DAB1: variants seen among roughly 807,000 people sequenced by gnomAD.
The protein encoded by DAB1 is DAB adaptor protein 1, also known as disabled homolog 1.
Under a neutral mutation model 64.6 loss-of-function variants are expected in DAB1, and 15 were observed. That is an observed-to-expected ratio of 0.23 (90% CI 0.16 to 0.36). The LOEUF is 0.36. DAB1 is among the 10% of genes least tolerant of loss of function. The probability of loss-of-function intolerance (pLI) is 1.00; values close to 1 mark genes in which losing one functional copy is unlikely to be tolerated. For synonymous variants in DAB1, 235 were observed against 251.9 expected (o/e 0.93, Z 0.64); for missense variants, 596 against 706.7 (o/e 0.84, Z 1.78).
chr1:57,567,945 CA>C (rs1407881747), intron 7 of DAB1, among the ~76,000 whole-genome samples: 2 of 152,122 alleles, frequency 1.3e-5, no homozygotes, highest in African/African-American at 4.8e-5. Context: ...CATATGGAAC[CA>C]AAAAAGAGCC....
At position 57,916,919 on chromosome 1, in the gene DAB1, G is replaced by A. The variant is rs559939917; in HGVS notation, n.388-32757C>T. On this transcript the variant is annotated intron_variant and non_coding_transcript_variant, in intron 5 of 20. Transcript: ENST00000485760. ...GATCGCGCCACTGCACTCCAGCCTG[G>A]GTGTCAAGAGCGAAACTCTGTCTCA... Among the ~76,000 whole-genome samples, 19 of 151,926 alleles carry A rather than the reference G, an allele frequency of 1.3e-4. No individual in the cohort carries two copies. In the South Asian group the frequency reaches 4.0e-3, roughly 32 times the overall value.
intron 9 of DAB1, among the ~76,000 whole-genome samples, chr1:57,056,063 A>G (rs1649723402): frequency 1.3e-5 from 2 of 152,190 alleles, no homozygotes; most frequent in Admixed American, 6.5e-5. Flanking sequence ...AGATGAGGAC[A>G]TGGAGAGTGG....
At chr1:57,673,908 C>G (rs950789395) in intron 6 of DAB1, among the ~76,000 whole-genome samples, 1 of 152,098 alleles carries the variant, frequency 6.6e-6, no homozygotes, top group Non-Finnish European at 1.5e-5. Flanking sequence ...CCAGTCACAT[C>G]CACATGGAAA....
intron 1 of DAB1, among the ~76,000 whole-genome samples, chr1:58,535,595 CAAA>C (rs11315198): frequency 1.5e-4 from 14 of 95,528 alleles, no homozygotes; most frequent in Non-Finnish European, 1.5e-4. Context: ...GTCTCTGTCT[CAAA>C]AAAAAAAAAA....
intron 1 of DAB1, among the ~76,000 whole-genome samples, chr1:57,394,426 C>T (rs78946857): frequency 0.012 from 1,839 of 152,304 alleles, 48 homozygotes; most frequent in African/African-American, 0.042. Flanking sequence ...GAACCTCAAA[C>T]CTTGACAAAA....
chr1:58,392,275 G>A lies in DAB1; in HGVS notation n.258-48872C>T, dbSNP rs76180360. Among the ~76,000 whole-genome samples, 23 of 152,282 alleles carry A rather than the reference G, an allele frequency of 1.5e-4. No individual in the cohort carries two copies. In the East Asian group the frequency reaches 3.7e-3, roughly 24 times the overall value. ...CACCTCTGCATGTACCTCTCACCAC[G>A]TTTAACCACAGTGACCTTCAAGATG... On this transcript the variant is annotated intron_variant and non_coding_transcript_variant, in intron 3 of 20. Transcript: ENST00000485760.
chr1:57,886,078 T>C (rs555808175), upstream of DAB1, among the ~76,000 whole-genome samples: 1 of 152,344 alleles, frequency 6.6e-6, no homozygotes, highest in South Asian at 2.1e-4. Context: ...CTGCTTTCTC[T>C]TGCTGAAATA....
At position 57,413,301 on chromosome 1, in the gene DAB1, T is replaced by C. The variant is rs533733019; in HGVS notation, c.-137+10629A>G. ...TGTTTTCACATCTGCTAACAAAACA[T>C]CTACTCTGCAGCCCATGGATCAAGG... On this transcript the variant is annotated intron_variant, in intron 1 of 14. Coordinates refer to ENST00000371236, the MANE Select transcript of DAB1 (RefSeq NM_001365792.1). Among the ~76,000 whole-genome samples the C allele has an allele frequency of 3.3e-4, 51 of 152,322 alleles. 1 individual carries two copies. The South Asian group carries it at 9.7e-3, about 29-fold the overall frequency.
chr1:57,062,821 G>A, intron 9 of DAB1, 63 bp downstream of exon 9: 1 of 1,384,960 alleles, frequency 7.2e-7, no homozygotes, highest in Non-Finnish European at 1.0e-6. Flanking sequence ...TCCGCAGGCT[G>A]TAGACAGCCT....
At chr1:57,164,492 T>C (rs1480048138) in intron 2 of DAB1, among the ~76,000 whole-genome samples, 1 of 152,072 alleles carries the variant, frequency 6.6e-6, no homozygotes, top group Non-Finnish European at 1.5e-5. Flanking sequence ...CAGCATGACT[T>C]TACCTGGAGA....
intron 1 of DAB1, among the ~76,000 whole-genome samples, chr1:57,351,118 A>C (rs1678555864): frequency 1.3e-5 from 2 of 152,158 alleles, no homozygotes; most frequent in Admixed American, 1.3e-4. Flanking sequence ...GCAGTCTACA[A>C]ATGAGAAAAT....
intron 1 of DAB1, among the ~76,000 whole-genome samples, chr1:57,418,106 G>A (rs1316442388): frequency 1.3e-5 from 2 of 152,146 alleles, no homozygotes; most frequent in Non-Finnish European, 2.9e-5. Flanking sequence ...TTGCATCTTG[G>A]TACTCTTCAC....
chr1:58,131,021 G>T (rs1399241234), intron 5 of DAB1, among the ~76,000 whole-genome samples: 19 of 137,094 alleles, frequency 1.4e-4, no homozygotes, highest in African/African-American at 5.3e-4. Flanking sequence ...CTAGATTGGG[G>T]AAGTTCTCCT....
intron 9 of DAB1, among the ~76,000 whole-genome samples, chr1:57,045,642 G>A (rs1333423687): frequency 6.6e-6 from 1 of 152,100 alleles, no homozygotes; most frequent in Non-Finnish European, 1.5e-5. Context: ...AGGTTGCAGT[G>A]AGCTGAGATC....
chr1:58,124,605 T>C (rs1014704088), intron 5 of DAB1, among the ~76,000 whole-genome samples: 1 of 152,202 alleles, frequency 6.6e-6, no homozygotes, highest in Non-Finnish European at 1.5e-5. Context: ...AGAGAAATGA[T>C]TAAATACTAG....
At chr1:57,631,020 A>G (rs1645982850) in intron 7 of DAB1, among the ~76,000 whole-genome samples, 1 of 152,316 alleles carries the variant, frequency 6.6e-6, no homozygotes, top group Admixed American at 6.5e-5. Flanking sequence ...TATGAATGTG[A>G]CAATATGGAA....
chr1:57,308,900 T>C (rs1674423888), intron 1 of DAB1, among the ~76,000 whole-genome samples: 1 of 151,952 alleles, frequency 6.6e-6, no homozygotes, highest in Non-Finnish European at 1.5e-5. Flanking sequence ...TCTAGGGCTT[T>C]AAAGATGAAA....
chr1:58,288,537 TCTA>T (rs1313733141), intron 4 of DAB1, among the ~76,000 whole-genome samples: 2 of 152,186 alleles, frequency 1.3e-5, no homozygotes, highest in Non-Finnish European at 2.9e-5. Context: ...CAGATAAAGA[TCTA>T]CTTCTTGAGC....
intron 1 of DAB1, among the ~76,000 whole-genome samples, chr1:57,416,544 T>C (rs905860265): frequency 6.6e-6 from 1 of 152,202 alleles, no homozygotes; most frequent in African/African-American, 2.4e-5. Flanking sequence ...TAGTTATTGT[T>C]AATGATTTTA....
Sources: gnomAD v4.1 joint callset for allele counts (sites outside exome capture counted in the v4.1 genomes callset) on GRCh38, gnomAD v4.1.1 for gene constraint, MANE v1.5 for transcripts, NCBI Gene and HGNC (gene_info 2026-07-23, HGNC 2026-07-21) for gene names.